The following GAS7 variants were observed in gnomAD, a reference collection of about 807,000 sequenced individuals.
GAS7 encodes the protein growth arrest specific 7.
In GAS7, 28 loss-of-function variants were observed where a neutral mutation model predicts 71.1. The ratio of observed to expected loss-of-function variants is 0.39; its 90% CI spans 0.29 to 0.54. GAS7 has a LOEUF of 0.54. Among genes scored for constraint, GAS7 ranks in the 20% least tolerant of loss-of-function variants. The pLI is 0.62. For synonymous variants in GAS7, 258 were observed against 245.8 expected, an observed-to-expected ratio of 1.05 and a Z score of -0.46; for missense variants, 436 against 627.8, an observed-to-expected ratio of 0.69 and a Z score of 3.27.
At chr17:10,160,216 G>A (rs901394463) in intron 1 of GAS7, among the ~76,000 whole-genome samples, 5 of 152,104 alleles carry the variant, frequency 3.3e-5, no homozygotes, top group East Asian at 1.9e-4. Context: ...AGGTATGACC[G>A]TTCTTCTGTA....
chr17:10,007,864 C>T (rs967956767), intron 2 of GAS7, among the ~76,000 whole-genome samples: 32 of 151,698 alleles, frequency 2.1e-4, no homozygotes, highest in Non-Finnish European at 1.8e-4. Flanking sequence ...AAAAAGAAAC[C>T]CTGTACCCAT....
chr17:9,958,879 G>T, intron 5 of GAS7: 2 of 735,220 alleles, frequency 2.7e-6, no homozygotes, highest in Non-Finnish European at 3.7e-6. Flanking sequence ...CACATCACTT[G>T]CGCTGAGCAC....
At chr17:10,198,118 C>A in intron 1 of GAS7, 90 bp downstream of exon 1, 1 of 1,293,004 alleles carries the variant, frequency 7.7e-7, no homozygotes, top group Admixed American at 1.9e-5. Flanking sequence ...CCGACCGGGA[C>A]GCTGCGGCAT....
chr17:10,166,015 T>TTC (rs1291380248), intron 1 of GAS7, among the ~76,000 whole-genome samples: 5 of 151,024 alleles, frequency 3.3e-5, no homozygotes, highest in Non-Finnish European at 1.5e-5. Context: ...CTTTTTCTTT[T>TTC]TTTTTTTTTT....
chr17:10,141,694 T>C (rs1260399244), intron 1 of GAS7, among the ~76,000 whole-genome samples: 1 of 152,146 alleles, frequency 6.6e-6, no homozygotes, highest in Non-Finnish European at 1.5e-5. Context: ...CTAACATAAA[T>C]GGCCTTGGGC....
At chr17:10,007,904 C>T (rs898200130) in intron 2 of GAS7, among the ~76,000 whole-genome samples, 1 of 151,980 alleles carries the variant, frequency 6.6e-6, no homozygotes, top group African/African-American at 2.4e-5. Flanking sequence ...ATTCCAGCTC[C>T]CCCCCGCAAC....
At chr17:10,175,596 TTTAGTTAGTTAG>T (rs3051291) in intron 1 of GAS7, among the ~76,000 whole-genome samples, 5 of 151,550 alleles carry the variant, frequency 3.3e-5, no homozygotes, top group East Asian at 2.0e-4. Flanking sequence ...CCGCATTTTA[TTTAGTTAGTTAG>T]TTAGTTAGTT....
intron 1 of GAS7, among the ~76,000 whole-genome samples, chr17:10,150,183 A>C (rs1023038289): frequency 1.3e-5 from 2 of 152,206 alleles, no homozygotes; most frequent in African/African-American, 4.8e-5. Flanking sequence ...CCAACTAATC[A>C]GGAATTAAAA....
At chr17:10,153,948 T>G (rs370766880) in intron 1 of GAS7, among the ~76,000 whole-genome samples, 1 of 152,248 alleles carries the variant, frequency 6.6e-6, no homozygotes, top group African/African-American at 2.4e-5. Flanking sequence ...TGTGGTGGTA[T>G]GCACCTGTAG....
intron 9 of GAS7, among the ~76,000 whole-genome samples, chr17:9,928,572 C>A (rs1198061809): frequency 6.6e-6 from 1 of 152,084 alleles, no homozygotes; most frequent in Non-Finnish European, 1.5e-5. Context: ...TCTGCCTCCA[C>A]CGGTCTTAGA....
At chr17:10,111,823 C>T (rs2073816500) in intron 1 of GAS7, among the ~76,000 whole-genome samples, 1 of 152,166 alleles carries the variant, frequency 6.6e-6, no homozygotes, top group Non-Finnish European at 1.5e-5. Context: ...GGTCATGGGG[C>T]CTGGATACCC....
chr17:10,136,554 C>G (rs2074040159), intron 1 of GAS7, among the ~76,000 whole-genome samples: 1 of 152,162 alleles, frequency 6.6e-6, no homozygotes. Flanking sequence ...CAGACAGCAC[C>G]TCCTGCAAAA....
In GAS7 at chr17:9,934,026, G is replaced by A. The variant is rs1483913294; in HGVS notation, c.885+140C>T. ...TGGGCAGATATCTCTTCCCAACTCC[G>A]TATTCCGTGACTTCATGTTGATAGC... On this transcript the variant is annotated intron_variant, in intron 9 of 13. Coordinates refer to ENST00000432992, the MANE Select transcript of GAS7 (RefSeq NM_201433.2). 1.5e-5 allele frequency: 10 copies of A among 674,750 alleles called. No homozygotes were observed. In the Middle Eastern group the frequency reaches 7.2e-4, roughly 49 times the overall value. 41.8% of individuals were successfully genotyped at this position (674,750 alleles called of 1,614,324 possible). A position where few individuals can be genotyped will look rare whatever the true frequency, so the allele number is the denominator to read the frequency against.
At chr17:10,172,459 G>A (rs1263894374) in intron 1 of GAS7, among the ~76,000 whole-genome samples, 2 of 151,730 alleles carry the variant, frequency 1.3e-5, no homozygotes, top group East Asian at 3.9e-4. Context: ...GAGGAAAGAA[G>A]AAAGGAAAAC....
At chr17:10,196,545 T>C (rs2074541836) in intron 1 of GAS7, among the ~76,000 whole-genome samples, 1 of 152,202 alleles carries the variant, frequency 6.6e-6, no homozygotes, top group African/African-American at 2.4e-5. Flanking sequence ...CAGTTGTTAA[T>C]TCCGCTTGTC....
rs2070392615 is a variant in GAS7, at chr17:9,981,039, C to A, written c.385+765G>T. Among the ~76,000 whole-genome samples, 1 of 152,166 alleles carries A rather than the reference C, an allele frequency of 6.6e-6. No homozygotes were observed. The highest frequency in any genetic ancestry group is 2.4e-5 in the African/African-American group (1 of 41,438). The stretch of plus-strand genomic sequence containing the variant: ...AGGCGCGGTGGCTCACACCTTTAAT[C>A]CCAGCACTTTGAGAGGCCAAAACAG... On this transcript the variant is annotated intron_variant, in intron 3 of 13. Transcript: ENST00000432992. The surrounding 1 kb of genome is among the most constrained non-coding windows in gnomAD (Gnocchi z 4.4).
intron 1 of GAS7, among the ~76,000 whole-genome samples, chr17:10,044,246 C>T (rs997160965): frequency 1.3e-5 from 2 of 152,204 alleles, no homozygotes; most frequent in Non-Finnish European, 2.9e-5. Flanking sequence ...TGAGGGCTTA[C>T]ATTTTACTGC....
intron 1 of GAS7, among the ~76,000 whole-genome samples, chr17:10,197,820 C>T (rs979994966): frequency 1.3e-5 from 2 of 152,212 alleles, no homozygotes; most frequent in African/African-American, 4.8e-5. Flanking sequence ...CGAGTCGGTG[C>T]CACTTTCTCG....
At chr17:9,982,208 T>A (rs940622931) in intron 2 of GAS7, among the ~76,000 whole-genome samples, 43 of 152,104 alleles carry the variant, frequency 2.8e-4, no homozygotes, top group African/African-American at 1.0e-3. Flanking sequence ...CCAACCTGCC[T>A]CTTCATTCAC....
Sources: gnomAD v4.1 joint callset for allele counts (sites outside exome capture counted in the v4.1 genomes callset) on GRCh38, gnomAD v4.1.1 for gene constraint, Gnocchi (gnomAD v3.1) non-coding constraint, MANE v1.5 for transcripts, NCBI Gene and HGNC (gene_info 2026-07-23, HGNC 2026-07-21) for gene names.